Variants in POF1B observed in about 807,000 individuals in gnomAD.
POF1B encodes protein POF1B.
POF1B carries 53 observed loss-of-function variants against 55.3 expected under a neutral mutation model. The ratio of observed to expected loss-of-function variants is 0.96; its 90% CI spans 0.77 to 1.20. The LOEUF (loss-of-function observed/expected upper bound fraction) is 1.20, where lower values mean the gene tolerates loss of function less well. Among genes scored for constraint, POF1B ranks in the 50% most tolerant of loss-of-function variants. The pLI is 0.00. For synonymous variants in POF1B, 188 were observed against 148.3 expected, an observed-to-expected ratio of 1.27 and a Z score of -1.95; for missense variants, 478 against 420.5, an observed-to-expected ratio of 1.14 and a Z score of -1.20.
chrX:85,344,475 C>A (rs1354145923), intron 6 of POF1B, among the ~76,000 whole-genome samples: 2 of 111,089 alleles, frequency 1.8e-5, no homozygotes, highest in Non-Finnish European at 1.9e-5. Flanking sequence ...ACTGAAAACA[C>A]TTTGGTTTGT....
intron 4 of POF1B, among the ~76,000 whole-genome samples, chrX:85,354,520 C>T (rs1933449485): frequency 9.0e-6 from 1 of 110,588 alleles, no homozygotes; most frequent in South Asian, 3.8e-4. Context: ...ACGGTCATTC[C>T]CTGTTTGCAG....
chrX:85,377,595 T>C (rs1444785651), intron 2 of POF1B, among the ~76,000 whole-genome samples: 1 of 112,042 alleles, frequency 8.9e-6, no homozygotes, highest in East Asian at 2.8e-4. Context: ...TTTATCCCAG[T>C]TTCTGCAGCT....
intron 15 of POF1B, among the ~76,000 whole-genome samples, chrX:85,294,296 G>A (rs1469787628): frequency 8.9e-6 from 1 of 111,811 alleles, no homozygotes; most frequent in African/African-American, 3.3e-5. Context: ...TCTTGTTCCA[G>A]TTCTGAAGAA....
At chrX:85,350,197 C>T (rs1270261894) in intron 5 of POF1B, among the ~76,000 whole-genome samples, 1 of 106,563 alleles carries the variant, frequency 9.4e-6, no homozygotes, top group East Asian at 3.0e-4. Context: ...CCCCACCCCA[C>T]AACAGTCCCC....
At chrX:85,346,699 T>C (rs894859384) in intron 5 of POF1B, among the ~76,000 whole-genome samples, 5 of 110,629 alleles carry the variant, frequency 4.5e-5, no homozygotes, top group African/African-American at 1.6e-4. Context: ...ACATATTCCA[T>C]AGGGGTGCTA....
At chrX:85,359,722 A>T in intron 3 of POF1B, 92 bp from the exon 4 acceptor site, 1 of 541,973 alleles carries the variant, frequency 1.8e-6, no homozygotes, top group Non-Finnish European at 3.0e-6. Context: ...CCAGGGTTAA[A>T]TTTTTAGTTA....
At chrX:85,321,058 T>C (rs1932832703) in intron 7 of POF1B, among the ~76,000 whole-genome samples, 1 of 111,199 alleles carries the variant, frequency 9.0e-6, no homozygotes, top group Admixed American at 9.6e-5. Context: ...TTCCAATCAA[T>C]AGAAAAAGAG....
At position 85,304,412 on chromosome X, in the gene POF1B, G is replaced by T. The variant is rs1932527041; in HGVS notation, c.1497C>A (p.Phe499Leu). The T allele has an allele frequency of 1.7e-6, 2 of 1,193,542 alleles. No homozygotes were observed. The highest frequency in any genetic ancestry group is 2.3e-6 in the Non-Finnish European group (2 of 884,173). The change falls in exon 14 of 17, where the codon TTC (phenylalanine) becomes TTA (leucine). Residue 499 changes from phenylalanine to leucine, a missense_variant. Phe to Leu is a conservative substitution (Grantham distance 22). Coordinates refer to ENST00000262753, the MANE Select transcript of POF1B (RefSeq NM_024921.4). ...VSKREGSCSD[F>L]QFKLHELTSL... ...TTGTCAGTTCATGAAGCTTAAATTG[G>T]AAGTCACTACAACTTCCTTCTCTCT...
intron 4 of POF1B, among the ~76,000 whole-genome samples, chrX:85,353,957 A>G (rs1933437231): frequency 9.0e-6 from 1 of 111,517 alleles, no homozygotes; most frequent in Non-Finnish European, 1.9e-5. Flanking sequence ...AGTGGATTGG[A>G]TTTGGATTAC....
rs1569282974 is a variant in POF1B, at chrX:85,306,214, A to G, written c.1284T>C (p.Asn428=). Residue 428 remains asparagine, a synonymous_variant, in exon 12 of 17, where the codon AAT becomes AAC. Transcript: ENST00000262753. ...TAAGGTTTTGATTCTCTTGCTCTAA[A>G]TTACGTTTACAATATTCCAGTTCTT... The part of the protein sequence containing the change: ...RLKELEYCKR[N]LEQENQNLRM... The G allele has an allele frequency of 8.3e-7, 1 of 1,203,914 alleles. No individual in the cohort carries two copies. The highest frequency in any genetic ancestry group is 1.1e-6 in the Non-Finnish European group (1 of 890,127).
At chrX:85,313,635 T>C (rs1466134460) in intron 9 of POF1B, among the ~76,000 whole-genome samples, 1 of 111,203 alleles carries the variant, frequency 9.0e-6, no homozygotes, top group African/African-American at 3.3e-5. Flanking sequence ...CCTGAAATTT[T>C]CCTTTTTTGT....
intron 13 of POF1B, among the ~76,000 whole-genome samples, chrX:85,305,581 T>G (rs1458491591): frequency 8.9e-6 from 1 of 112,000 alleles, no homozygotes; most frequent in East Asian, 2.8e-4. Flanking sequence ...CTTCTTTTAC[T>G]TTCCTAGAAG....
At position 85,331,048 on chromosome X, in the gene POF1B, A is replaced by C; in HGVS notation, c.755T>G (p.Leu252Trp). 8.3e-7 allele frequency: 1 copy of C among 1,207,333 alleles called. No homozygotes were observed. The highest frequency in any genetic ancestry group is 1.8e-5 in the South Asian group (1 of 56,020). ...VIIQDDGPEK[L>W]DPRYFGELLA... ...CAACTCTCCAAAATATCTGGGGTCC[A>C]ATTTTTCAGGGCCATCATCCTGAAT... The change falls in exon 7 of 17, where the codon TTG (leucine) becomes TGG (tryptophan). Residue 252 changes from leucine (L) to tryptophan (W), a missense_variant. Physicochemically the swap from Leu to Trp is moderately conservative, Grantham distance 61. Transcript: ENST00000262753.
chrX:85,279,853 G>A (rs1322435434), intron 16 of POF1B, among the ~76,000 whole-genome samples: 2 of 110,979 alleles, frequency 1.8e-5, no homozygotes, highest in Non-Finnish European at 3.8e-5. Flanking sequence ...CTACTATTCT[G>A]TAGAAACTTT....
chrX:85,348,602 G>A (rs1453615384), intron 5 of POF1B, among the ~76,000 whole-genome samples: 2 of 111,467 alleles, frequency 1.8e-5, no homozygotes, highest in East Asian at 5.7e-4. Flanking sequence ...GAGGAAACTA[G>A]TAGGACAATG....
chrX:85,323,892 C>T (rs1476096662), intron 7 of POF1B, among the ~76,000 whole-genome samples: 1 of 111,452 alleles, frequency 9.0e-6, no homozygotes, highest in Admixed American at 9.6e-5. Flanking sequence ...TTGTCTATAT[C>T]CCAGAGGTTC....
chrX:85,308,837 C>T (rs1932634844), intron 9 of POF1B, among the ~76,000 whole-genome samples: 1 of 110,202 alleles, frequency 9.1e-6, no homozygotes, highest in Non-Finnish European at 1.9e-5. Context: ...ACCAACACAC[C>T]TGGTGAATTT....
intron 11 of POF1B, 111 bp from the exon 12 acceptor site, chrX:85,306,444 T>C (rs943624237): frequency 2.6e-6 from 2 of 769,209 alleles, no homozygotes; most frequent in Non-Finnish European, 3.7e-6. Flanking sequence ...CTATGCCCAG[T>C]TTTCTTATAC....
chrX:85,279,253 G>T lies in POF1B; in HGVS notation c.*168C>A. On this transcript the variant is annotated 3_prime_UTR_variant, in exon 17 of 17. Transcript: ENST00000262753. ...GATTTAGGTCTCATAAATGGGTGAA[G>T]AAATTGTCATCTACAGAACTAATTC... is the stretch of plus-strand genomic sequence containing the variant. 1 of 466,696 alleles carries T rather than the reference G, an allele frequency of 2.1e-6. No individual in the cohort carries two copies. The highest frequency in any genetic ancestry group is 3.7e-6 in the Non-Finnish European group (1 of 273,211). 38.5% of individuals were successfully genotyped at this position (466,696 alleles called of 1,213,427 possible). A position where few individuals can be genotyped will look rare whatever the true frequency, so the allele number is the denominator to read the frequency against.
Sources: gnomAD v4.1 joint callset for allele counts (sites outside exome capture counted in the v4.1 genomes callset) on GRCh38, gnomAD v4.1.1 for gene constraint, MANE v1.5 for transcripts, NCBI Gene and HGNC (gene_info 2026-07-23, HGNC 2026-07-21) for gene names.